DNAH11: variants seen among roughly 807,000 people sequenced by gnomAD.
DNAH11 encodes the protein dynein axonemal heavy chain 11.
In DNAH11, 442 loss-of-function variants were observed where a neutral mutation model predicts 526.0. The observed-to-expected ratio is 0.84, with a 90% CI of 0.78 to 0.91. The LOEUF is 0.91. Ranked by LOEUF, DNAH11 falls within the 40% of genes least tolerant of loss-of-function variation. The pLI, the probability that DNAH11 is intolerant of heterozygous loss-of-function variation, is 0.00. For missense variants in DNAH11, 6,989 were observed against 5,448.7 expected (o/e 1.28, Z -8.90); for synonymous variants, 2,461 against 1,935.9 (o/e 1.27, Z -7.12).
At chr7:21,562,256 G>C (rs1001078974) in intron 5 of DNAH11, among the ~76,000 whole-genome samples, 1 of 152,134 alleles carries the variant, frequency 6.6e-6, no homozygotes, top group African/African-American at 2.4e-5. Flanking sequence ...AGGATATTTA[G>C]CAGTATCTCT....
At chr7:21,556,601 G>T (rs1783225860) in intron 2 of DNAH11, among the ~76,000 whole-genome samples, 1 of 152,116 alleles carries the variant, frequency 6.6e-6, no homozygotes, top group Admixed American at 6.5e-5. Context: ...TGGGAGTTTG[G>T]TATACAGAGA....
chr7:21,716,394 A>G (rs1453898954), intron 42 of DNAH11, among the ~76,000 whole-genome samples: 1 of 152,208 alleles, frequency 6.6e-6, no homozygotes, highest in East Asian at 1.9e-4. Flanking sequence ...AACTTACATA[A>G]TCCTCACAAC....
At chr7:21,852,102 C>A (rs1307154455) in intron 66 of DNAH11, among the ~76,000 whole-genome samples, 1 of 151,954 alleles carries the variant, frequency 6.6e-6, no homozygotes, top group Admixed American at 6.6e-5. Flanking sequence ...TAAGGAAACT[C>A]TGGTTTAAAA....
chr7:21,679,451 T>C (rs976339026), intron 30 of DNAH11, among the ~76,000 whole-genome samples: 1 of 152,190 alleles, frequency 6.6e-6, no homozygotes, highest in Non-Finnish European at 1.5e-5. Context: ...GGTAATAGTT[T>C]CACAATGTAT....
intron 5 of DNAH11, among the ~76,000 whole-genome samples, chr7:21,561,604 A>T (rs1342819686): frequency 6.6e-6 from 1 of 152,214 alleles, no homozygotes; most frequent in Non-Finnish European, 1.5e-5. Context: ...GGTGAAGATT[A>T]AATGTACAGA....
intron 51 of DNAH11, 100 bp from the exon 52 acceptor site, chr7:21,748,480 C>T (rs890328054): frequency 1.6e-6 from 2 of 1,255,068 alleles, no homozygotes; most frequent in African/African-American, 3.1e-5. Context: ...CAGAGCAAGT[C>T]TCCATCTCAA....
chr7:21,691,008 G>A (rs192960103), intron 35 of DNAH11, 127 bp downstream of exon 35: 29 of 679,042 alleles, frequency 4.3e-5, no homozygotes, highest in Admixed American at 1.9e-4. Flanking sequence ...ATTTCCTTGG[G>A]CTCCTTTTAT....
rs1249725833 is a variant in DNAH11, at chr7:21,773,995, C to T, written c.9332C>T (p.Ser3111Phe). 3 of 1,559,450 alleles carry T rather than the reference C, an allele frequency of 1.9e-6. No homozygotes were observed. The highest frequency in any genetic ancestry group is 2.7e-5 in the African/African-American group (2 of 72,858). The stretch of plus-strand genomic sequence containing the variant: ...ATCCAAAAGCTAAAAACCACAGCCT[C>T]TCAGGTATGACCAGGATGTGTTATT... Reference protein sequence around the residue: ...NGIQKLKTTASQVGDLKARLA... With the variant: ...NGIQKLKTTAFQVGDLKARLA... The change falls in exon 56 of 82, where the codon TCT becomes TTT. Residue 3111 changes from serine (S) to phenylalanine (F), a missense_variant. Coordinates refer to ENST00000409508, the MANE Select transcript of DNAH11 (RefSeq NM_001277115.2).
At chr7:21,839,050 G>C (rs1168509456) in intron 65 of DNAH11, among the ~76,000 whole-genome samples, 1 of 152,070 alleles carries the variant, frequency 6.6e-6, no homozygotes, top group Non-Finnish European at 1.5e-5. Context: ...GTGTGAACTG[G>C]TACCTCACTA....
intron 75 of DNAH11, among the ~76,000 whole-genome samples, chr7:21,882,750 T>C (rs2128043015): frequency 1.3e-5 from 2 of 152,230 alleles, no homozygotes; most frequent in Middle Eastern, 6.8e-3. Context: ...TAAGCTGAGA[T>C]CATACCACTG....
chr7:21,827,188 C>G (rs918737931), intron 65 of DNAH11, among the ~76,000 whole-genome samples: 1 of 152,102 alleles, frequency 6.6e-6, no homozygotes, highest in African/African-American at 2.4e-5. Context: ...GGCCACAGGC[C>G]GACAACAGCT....
intron 34 of DNAH11, among the ~76,000 whole-genome samples, chr7:21,688,984 A>G (rs1201138719): frequency 1.3e-5 from 2 of 152,228 alleles, no homozygotes; most frequent in Admixed American, 6.5e-5. Context: ...CAATGTCCCA[A>G]GGATTATCTA....
chr7:21,645,039 A>C (rs554086738), intron 28 of DNAH11, among the ~76,000 whole-genome samples: 1 of 152,342 alleles, frequency 6.6e-6, no homozygotes, highest in South Asian at 2.1e-4. Flanking sequence ...GCCCCTTTGG[A>C]ATTCTCTCCA....
Position 21,848,166 on chromosome 7 carries a change from CAA to C in DNAH11, c.10897-4285_10897-4284del, listed in dbSNP as rs58058317. Among the ~76,000 whole-genome samples, 48 of 88,946 alleles carry C rather than the reference CAA, an allele frequency of 5.4e-4. 1 individual carries two copies. Among genetic ancestry groups the C allele is most frequent in the Admixed American group, 4.6e-4 (4 of 8,690 alleles). 58.4% of individuals were successfully genotyped at this position (88,946 alleles called of 152,430 possible). ...TGGGTGATAGAGCGAGACTCTGTTT[CAA>C]AAAAAAAAAAAAAAAGATTATTATG... On this transcript the variant is annotated intron_variant, in intron 66 of 81. Transcript: ENST00000409508.
In DNAH11 at chr7:21,842,526, G is replaced by C. The variant is rs745632664; in HGVS notation, c.10692-18G>C. ...GGTCATAGGAGTCTCCTGAAAGTCT[G>C]TGTTTTGCTCCGTTTAGGTATATCA... On this transcript the variant is annotated intron_variant, in intron 65 of 81. Coordinates refer to ENST00000409508, the MANE Select transcript of DNAH11 (RefSeq NM_001277115.2). 5 of 1,607,034 alleles carry C rather than the reference G, an allele frequency of 3.1e-6. No individual in the cohort carries two copies. Among genetic ancestry groups the C allele is most frequent in the Non-Finnish European group, 4.3e-6 (5 of 1,174,944 alleles).
rs1562615070 is a variant in DNAH11 at position 21,901,281 on chromosome 7, T to G, written c.*27T>G. 6.3e-7 allele frequency: 1 copy of G among 1,581,992 alleles called. No homozygotes were observed. The highest frequency in any genetic ancestry group is 8.6e-7 in the Non-Finnish European group (1 of 1,162,960). ...GTAACACTGGCATTCCTCTAGCCTCTGCTGGAGTGCAGTGAGGATTTTCTA... is the reference window on the plus strand; with the variant it reads ...GTAACACTGGCATTCCTCTAGCCTCGGCTGGAGTGCAGTGAGGATTTTCTA... On this transcript the variant is annotated 3_prime_UTR_variant, in exon 82 of 82. Transcript: ENST00000409508.
At position 21,547,753 on chromosome 7, in the gene DNAH11, A is replaced by G. The variant is rs73682614; in HGVS notation, c.495+2604A>G. Among the ~76,000 whole-genome samples the G allele has an allele frequency of 4.8e-3, 736 of 152,308 alleles. 8 individuals carry two copies. The highest frequency in any genetic ancestry group is 0.016 in the African/African-American group (676 of 41,568). ...AGTACTTAGATTTATCATGCCTTGA[A>G]AATTGACCGTATAAAATGTTTTCTC... On this transcript the variant is annotated intron_variant, in intron 2 of 81. Transcript: ENST00000409508.
intron 74 of DNAH11, among the ~76,000 whole-genome samples, chr7:21,874,163 T>C (rs187568038): frequency 2.6e-5 from 4 of 152,256 alleles, no homozygotes; most frequent in African/African-American, 7.2e-5. Context: ...GCCATTGTTA[T>C]TCTTGTTGAT....
chr7:21,899,266 C>T (rs906848523), intron 79 of DNAH11, 70 bp from the exon 80 acceptor site: 25 of 1,291,578 alleles, frequency 1.9e-5, no homozygotes, highest in Non-Finnish European at 2.7e-5. Flanking sequence ...TAACCGCCCA[C>T]AACAGAACAT....
Sources: allele counts gnomAD v4.1 joint callset (sites outside exome capture counted in the v4.1 genomes callset), GRCh38; gene constraint gnomAD v4.1.1; transcripts MANE v1.5; gene names NCBI Gene and HGNC (gene_info 2026-07-23, HGNC 2026-07-21).